Variants in CYB5RL observed in about 807,000 individuals in gnomAD.
CYB5RL encodes cytochrome b5 reductase like.
Under a neutral mutation model 37.5 loss-of-function variants are expected in CYB5RL, and 38 were observed. That is an observed-to-expected ratio of 1.01 (90% CI 0.78 to 1.33). CYB5RL has a LOEUF of 1.33. CYB5RL is among the 40% of genes most tolerant of loss of function. CYB5RL has a pLI of 0.00. For missense variants in CYB5RL, 388 were observed against 394.4 expected (o/e 0.98, Z 0.14); for synonymous variants, 141 against 151.9 (o/e 0.93, Z 0.53).
chr1:54,194,652 G>GA (rs891381953), intron 3 of CYB5RL, among the ~76,000 whole-genome samples: 163 of 147,510 alleles, frequency 1.1e-3, no homozygotes, highest in Non-Finnish European at 1.9e-3. Flanking sequence ...CTACAAAAAA[G>GA]AAAAAAAAAA....
At position 54,188,075 on chromosome 1, in the gene CYB5RL, TCAAA is replaced by T. The variant is rs540686596; in HGVS notation, c.348-340_348-337del. Among the ~76,000 whole-genome samples, 726 of 152,278 alleles carry T rather than the reference TCAAA, an allele frequency of 4.8e-3. 6 individuals carry two copies. Among genetic ancestry groups the T allele is most frequent in the South Asian group, 0.014 (68 of 4,830 alleles). ...TGGGCAAATAGAGCAAGACTCTGTC[TCAAA>T]CAAACAAACAACTGCAAATCCTTAT... On this transcript the variant is annotated intron_variant, in intron 4 of 7. Coordinates refer to ENST00000534324, the MANE Select transcript of CYB5RL (RefSeq NM_001031672.4).
In CYB5RL at chr1:54,173,514, T is replaced by G. The variant is rs1328289697; in HGVS notation, c.*1105A>C. ...GCAAGTCATTTAGTCTCACTGGGCT[T>G]CAGTTTCCCGTGTATACGATAAGTC... On this transcript the variant is annotated 3_prime_UTR_variant, in exon 8 of 8. Coordinates refer to ENST00000534324, the MANE Select transcript of CYB5RL (RefSeq NM_001031672.4). 1.3e-5 allele frequency: 2 copies of G among 152,272 alleles called. No individual in the cohort carries two copies. The highest frequency in any genetic ancestry group is 4.8e-5 in the African/African-American group (2 of 41,468). 9.4% of individuals were successfully genotyped at this position (152,272 alleles called of 1,614,324 possible).
chr1:54,198,027 C>CAAAAAAAAA (rs575486117), intron 1 of CYB5RL, among the ~76,000 whole-genome samples: 23 of 78,534 alleles, frequency 2.9e-4, no homozygotes, highest in East Asian at 9.0e-4. Flanking sequence ...GACTCTGTCT[C>CAAAAAAAAA]AAAAAAAAAA....
chr1:54,194,500 G>C (rs1020951011), intron 3 of CYB5RL, among the ~76,000 whole-genome samples: 5 of 152,030 alleles, frequency 3.3e-5, no homozygotes, highest in African/African-American at 1.2e-4. Context: ...CACAAGAATG[G>C]GGAATGGTTG....
chr1:54,188,398 G>A (rs1643921678), intron 4 of CYB5RL, among the ~76,000 whole-genome samples: 1 of 152,172 alleles, frequency 6.6e-6, no homozygotes, highest in Non-Finnish European at 1.5e-5. Context: ...CCCGACCACA[G>A]AGTGATAAAG....
In CYB5RL at chr1:54,181,122, G is replaced by A. The variant is rs147748732; in HGVS notation, c.541-1770C>T. On this transcript the variant is annotated intron_variant, in intron 6 of 7. Transcript: ENST00000534324. ...ACTCACGCCTGGCAGCTGTTGCTGTGTCTGTGCTCTCTCCAGCCTCCAGGC... is the reference window on the plus strand; with the variant it reads ...ACTCACGCCTGGCAGCTGTTGCTGTATCTGTGCTCTCTCCAGCCTCCAGGC... Among the ~76,000 whole-genome samples the A allele has an allele frequency of 1.8e-3, 270 of 152,356 alleles. 2 individuals carry two copies. The highest frequency in any genetic ancestry group is 3.4e-3 in the Non-Finnish European group (230 of 68,034).
At chr1:54,193,841 G>A (rs966412906) in intron 3 of CYB5RL, among the ~76,000 whole-genome samples, 17 of 151,684 alleles carry the variant, frequency 1.1e-4, no homozygotes, top group African/African-American at 4.1e-4. Context: ...GTGGTGGTAG[G>A]TGCCTGTAAT....
intron 7 of CYB5RL, among the ~76,000 whole-genome samples, chr1:54,178,478 T>A (rs1187813874): frequency 2.6e-5 from 4 of 152,114 alleles, no homozygotes; most frequent in Admixed American, 6.5e-5. Flanking sequence ...CAATCCCCCA[T>A]GCTCTAACCT....
At chr1:54,179,041 T>C in intron 7 of CYB5RL, 108 bp downstream of exon 7, 1 of 1,320,346 alleles carries the variant, frequency 7.6e-7, no homozygotes, top group Non-Finnish European at 1.1e-6. Flanking sequence ...TGGCAGGGAT[T>C]ATGACCACAG....
intron 2 of CYB5RL, 25 bp downstream of exon 2, chr1:54,196,344 T>C (rs1413135417): frequency 6.6e-6 from 1 of 152,082 alleles, no homozygotes; most frequent in East Asian, 1.9e-4. Context: ...TGCACCACCA[T>C]ACCTGGCTAA....
intron 5 of CYB5RL, 137 bp from the exon 6 acceptor site, chr1:54,184,402 C>T: frequency 1.4e-6 from 1 of 725,382 alleles, no homozygotes; most frequent in Non-Finnish European, 2.3e-6. Flanking sequence ...CCTCCTTATC[C>T]TACAAAGTTG....
Position 54,171,170 on chromosome 1 carries a change from G to A in CYB5RL, c.*3449C>T, listed in dbSNP as rs1410336807. 2 of 455,910 alleles carry A rather than the reference G, an allele frequency of 4.4e-6. No homozygotes were observed. Among genetic ancestry groups the A allele is most frequent in the East Asian group, 1.4e-4 (2 of 14,392 alleles). 28.2% of individuals were successfully genotyped at this position (455,910 alleles called of 1,614,324 possible). ...ACTGAGCTGAGACCTCAAAAGATGAGGAGGCAAAAAAGGTGAGTGGGAGAT... is the reference window on the plus strand; with the variant it reads ...ACTGAGCTGAGACCTCAAAAGATGAAGAGGCAAAAAAGGTGAGTGGGAGAT... On this transcript the variant is annotated 3_prime_UTR_variant, in exon 8 of 8. Transcript: ENST00000534324.
At chr1:54,197,192 A>G (rs1159807811) in intron 1 of CYB5RL, among the ~76,000 whole-genome samples, 2 of 152,192 alleles carry the variant, frequency 1.3e-5, no homozygotes, top group Non-Finnish European at 2.9e-5. Context: ...GGGACAGTGA[A>G]GAGAGAAAAA....
chr1:54,184,382 A>C, intron 5 of CYB5RL, 117 bp from the exon 6 acceptor site: 53 of 817,486 alleles, frequency 6.5e-5, no homozygotes, highest in East Asian at 1.1e-4. Flanking sequence ...GTGTTATCTC[A>C]TTTAATCGTC....
In CYB5RL at chr1:54,172,121, G is replaced by A. The variant is rs192874021; in HGVS notation, c.*2498C>T. 7 of 152,546 alleles carry A rather than the reference G, an allele frequency of 4.6e-5. No individual in the cohort carries two copies. Among genetic ancestry groups the A allele is most frequent in the Non-Finnish European group, 8.8e-5 (6 of 68,482 alleles). The allele number at this position is 152,546 out of a possible 1,614,324, so 9.4% of individuals were successfully genotyped here. On this transcript the variant is annotated 3_prime_UTR_variant, in exon 8 of 8. Coordinates refer to ENST00000534324, the MANE Select transcript of CYB5RL (RefSeq NM_001031672.4). ...AGGACAGAGATACGAGAACTGCCCC[G>A]GACTCTCTACTCCTTAAGTGGAGAC...
intron 1 of CYB5RL, among the ~76,000 whole-genome samples, chr1:54,199,272 C>T (rs1299443316): frequency 6.6e-6 from 1 of 152,180 alleles, no homozygotes; most frequent in African/African-American, 2.4e-5. Context: ...GTTCTCAGTG[C>T]TGGGGATATA....
Position 54,186,127 on chromosome 1 carries a change from G to A in CYB5RL, c.435+1525C>T, listed in dbSNP as rs183860747. The A allele has an allele frequency of 8.5e-5, 13 of 152,708 alleles. No individual in the cohort carries two copies. In the South Asian group the frequency reaches 1.2e-3, roughly 15 times the overall value. 9.5% of individuals were successfully genotyped at this position (152,708 alleles called of 1,614,324 possible). On this transcript the variant is annotated intron_variant, in intron 5 of 7. Coordinates refer to ENST00000534324, the MANE Select transcript of CYB5RL (RefSeq NM_001031672.4). ...ATGTCCTTATCAGCAGCGTGAAAAC[G>A]GACTAATACATACCCACACAGAGCC... is the stretch of plus-strand genomic sequence containing the variant.
chr1:54,187,785 C>T (rs766005817), intron 4 of CYB5RL, 46 bp from the exon 5 acceptor site: 2 of 1,568,278 alleles, frequency 1.3e-6, no homozygotes, highest in Admixed American at 1.7e-5. Context: ...ATTCAGCAAA[C>T]CCTTTTAAGG....
rs1287338862 is a variant in CYB5RL, at chr1:54,173,639, C to T, written c.*980G>A. On this transcript the variant is annotated 3_prime_UTR_variant, in exon 8 of 8. Coordinates refer to ENST00000534324, the MANE Select transcript of CYB5RL (RefSeq NM_001031672.4). The stretch of plus-strand genomic sequence containing the variant: ...AAAGTCTAACTCTAAGATTCCATGG[C>T]TTAATATTCCAATTCTGGGACTGCC... The T allele has an allele frequency of 2.0e-5, 3 of 152,482 alleles. No homozygotes were observed. The highest frequency in any genetic ancestry group is 2.9e-5 in the Non-Finnish European group (2 of 68,048). 9.4% of individuals were successfully genotyped at this position (152,482 alleles called of 1,614,324 possible). A position where few individuals can be genotyped will look rare whatever the true frequency, so the allele number is the denominator to read the frequency against.
Sources: gnomAD v4.1 joint callset for allele counts (sites outside exome capture counted in the v4.1 genomes callset) on GRCh38, gnomAD v4.1.1 for gene constraint, MANE v1.5 for transcripts, NCBI Gene and HGNC (gene_info 2026-07-23, HGNC 2026-07-21) for gene names.